Variants in ATF6 observed in about 807,000 individuals in gnomAD.
ATF6 encodes the protein activating transcription factor 6.
ATF6 carries 53 observed loss-of-function variants against 83.6 expected under a neutral mutation model. The observed-to-expected ratio is 0.63, with a 90% CI of 0.51 to 0.80. The LOEUF is 0.80. ATF6 is among the 30% of genes least tolerant of loss of function. The probability of loss-of-function intolerance (pLI) is 0.00; values close to 1 mark genes in which losing one functional copy is unlikely to be tolerated. For missense variants in ATF6, 744 were observed against 797.9 expected, an observed-to-expected ratio of 0.93 and a Z score of 0.81; for synonymous variants, 288 against 285.8, an observed-to-expected ratio of 1.01 and a Z score of -0.08.
Position 161,778,317 on chromosome 1 carries a change from G to A in ATF6, c.156G>A (p.Thr52=), listed in dbSNP as rs763045211. Residue 52 remains threonine (T), a synonymous_variant, in exon 2 of 16, where the codon ACG becomes ACA. Transcript: ENST00000367942. The part of the protein sequence containing the change: ...DELQLEAANE[T]YENNFDNLDF... ...TGCAATTGGAAGCAGCAAATGAGAC[G>A]TATGTAAGTATTTACTAAGGTTGAA... 1.2e-5 allele frequency: 20 copies of A among 1,610,896 alleles called. No individual in the cohort carries two copies. Among genetic ancestry groups the A allele is most frequent in the South Asian group, 8.8e-5 (8 of 90,966 alleles).
chr1:161,844,357 G>A (rs1245745274), intron 9 of ATF6, among the ~76,000 whole-genome samples: 3 of 152,142 alleles, frequency 2.0e-5, no homozygotes, highest in African/African-American at 7.2e-5. Context: ...AGATGTCTTT[G>A]GACATTAGAA....
intron 6 of ATF6, 37 bp downstream of exon 6, chr1:161,792,364 TGGAGGGCAGTAAG>T (rs769628164): frequency 6.4e-7 from 1 of 1,567,532 alleles, no homozygotes; most frequent in Admixed American, 1.7e-5. Context: ...TAAATTTATT[TGGAGGGCAGTAAG>T]GGTTGTGTCA....
intron 9 of ATF6, among the ~76,000 whole-genome samples, chr1:161,831,325 G>T (rs566685111): frequency 6.6e-6 from 1 of 152,312 alleles, no homozygotes; most frequent in South Asian, 2.1e-4. Context: ...GGAGAAATAG[G>T]AACACTTTTA....
At chr1:161,916,813 A>T (rs900385477) in intron 15 of ATF6, among the ~76,000 whole-genome samples, 1 of 152,256 alleles carries the variant, frequency 6.6e-6, no homozygotes, top group South Asian at 2.1e-4. Context: ...TTTTGACAAA[A>T]GTAAACCATT....
intron 14 of ATF6, among the ~76,000 whole-genome samples, chr1:161,890,576 C>T (rs771200842): frequency 6.6e-6 from 1 of 152,226 alleles, no homozygotes; most frequent in Non-Finnish European, 1.5e-5. Context: ...CATAGTCAGG[C>T]GACCCGCCAG....
At chr1:161,846,689 T>A in intron 10 of ATF6, 109 bp downstream of exon 10, 1 of 1,107,988 alleles carries the variant, frequency 9.0e-7, no homozygotes, top group Non-Finnish European at 1.2e-6. Flanking sequence ...ATATTTTGAG[T>A]AGTAGAACAC....
chr1:161,958,650 A>G lies in ATF6; in HGVS notation c.2009A>G (p.Gln670Arg), dbSNP rs1166768698. The change falls in exon 16 of 16, where the codon CAA becomes CGA. Residue 670 changes from glutamine to arginine, a missense_variant. Gln to Arg is a conservative substitution (Grantham distance 43, BLOSUM62 1). Coordinates refer to ENST00000367942, the MANE Select transcript of ATF6 (RefSeq NM_007348.4). ...HVVSTIPESL[Q>R] ...GTCAGCACCATCCCTGAGTCATTAC[A>G]ATAGCACCCTGCAGCTATGCTGGAA... 6.2e-7 allele frequency: 1 copy of G among 1,609,132 alleles called. No individual in the cohort carries two copies. Among genetic ancestry groups the G allele is most frequent in the Non-Finnish European group, 8.5e-7 (1 of 1,177,440 alleles).
chr1:161,916,506 C>T (rs1419462355), intron 15 of ATF6, among the ~76,000 whole-genome samples: 1 of 152,014 alleles, frequency 6.6e-6, no homozygotes, highest in Non-Finnish European at 1.5e-5. Context: ...CTTGCATAAC[C>T]ACAATAAAAT....
chr1:161,908,278 G>A (rs1470964068), intron 14 of ATF6, among the ~76,000 whole-genome samples: 6 of 152,156 alleles, frequency 3.9e-5, no homozygotes, highest in African/African-American at 7.2e-5. Context: ...ATTAATTTCA[G>A]TGGAGCAAAA....
At position 161,961,584 on chromosome 1, in the gene ATF6, T is replaced by C. The variant is rs909234474; in HGVS notation, c.*2930T>C. The C allele has an allele frequency of 6.6e-6, 1 of 152,132 alleles. No individual in the cohort carries two copies. The highest frequency in any genetic ancestry group is 1.5e-5 in the Non-Finnish European group (1 of 68,020). 9.4% of individuals were successfully genotyped at this position (152,132 alleles called of 1,614,324 possible). On this transcript the variant is annotated 3_prime_UTR_variant, in exon 16 of 16. Coordinates refer to ENST00000367942, the MANE Select transcript of ATF6 (RefSeq NM_007348.4). ...CATGCCAGATTAATTTTTTTTTTTTTTTTTGGTGGGATTGCCTTTTGGGGG... is the reference window on the plus strand; with the variant it reads ...CATGCCAGATTAATTTTTTTTTTTTCTTTTGGTGGGATTGCCTTTTGGGGG...
At chr1:161,778,898 G>A (rs1257537954) in intron 2 of ATF6, among the ~76,000 whole-genome samples, 1 of 151,958 alleles carries the variant, frequency 6.6e-6, no homozygotes, top group Non-Finnish European at 1.5e-5. Context: ...CTTTGATTTT[G>A]TCTTATTCTT....
intron 15 of ATF6, among the ~76,000 whole-genome samples, chr1:161,938,067 C>T (rs1688573392): frequency 6.6e-6 from 1 of 152,078 alleles, no homozygotes; most frequent in South Asian, 2.1e-4. Context: ...AGCCTTCTAC[C>T]CTTGCTTCCT....
intron 9 of ATF6, among the ~76,000 whole-genome samples, chr1:161,845,568 G>A (rs1206135941): frequency 6.6e-6 from 1 of 152,014 alleles, no homozygotes; most frequent in African/African-American, 2.4e-5. Context: ...AGGAGTTTGA[G>A]ACTAGTCTGG....
At chr1:161,786,225 T>C (rs1178108052) in intron 4 of ATF6, among the ~76,000 whole-genome samples, 1 of 152,180 alleles carries the variant, frequency 6.6e-6, no homozygotes, top group African/African-American at 2.4e-5. Flanking sequence ...CCTCAGGTTA[T>C]CCACCTGCCT....
intron 9 of ATF6, among the ~76,000 whole-genome samples, chr1:161,842,322 A>G (rs973424633): frequency 3.3e-5 from 5 of 152,252 alleles, no homozygotes; most frequent in African/African-American, 7.2e-5. Context: ...TTAAAGAACT[A>G]AAAGTAGAAC....
Position 161,954,958 on chromosome 1 carries a change from C to A in ATF6, c.1805-3488C>A, listed in dbSNP as rs182424476. ...AGTGAACCTTTAATGTTTTGACTCCCGTACTATTTGGTTCTATTTTTCCTA... is the reference window on the plus strand; with the variant it reads ...AGTGAACCTTTAATGTTTTGACTCCAGTACTATTTGGTTCTATTTTTCCTA... On this transcript the variant is annotated intron_variant, in intron 15 of 15. Coordinates refer to ENST00000367942, the MANE Select transcript of ATF6 (RefSeq NM_007348.4). Among the ~76,000 whole-genome samples, 65 of 152,196 alleles carry A rather than the reference C, an allele frequency of 4.3e-4. 1 individual carries two copies. In the East Asian group the frequency reaches 9.7e-3, roughly 23 times the overall value.
chr1:161,929,095 G>A (rs936130887), intron 15 of ATF6, among the ~76,000 whole-genome samples: 6 of 152,208 alleles, frequency 3.9e-5, no homozygotes, highest in Admixed American at 3.9e-4. Flanking sequence ...GTACAAATAT[G>A]AAAACTATAT....
intron 14 of ATF6, among the ~76,000 whole-genome samples, chr1:161,899,827 A>G (rs1687745839): frequency 6.6e-6 from 1 of 152,136 alleles, no homozygotes; most frequent in African/African-American, 2.4e-5. Context: ...GCTTACTTCA[A>G]TGCTTCTATT....
At chr1:161,789,900 A>G (rs1016463725) in intron 4 of ATF6, among the ~76,000 whole-genome samples, 1 of 152,174 alleles carries the variant, frequency 6.6e-6, no homozygotes, top group Non-Finnish European at 1.5e-5. Flanking sequence ...CTCAGCTTAC[A>G]TGCTGAGTAG....
Sources: gnomAD v4.1 joint callset for allele counts (sites outside exome capture counted in the v4.1 genomes callset) on GRCh38, gnomAD v4.1.1 for gene constraint, MANE v1.5 for transcripts, NCBI Gene and HGNC (gene_info 2026-07-23, HGNC 2026-07-21) for gene names.